Variants in MGAT1 observed in about 807,000 individuals in gnomAD.
The protein encoded by MGAT1 is alpha-1,3-mannosyl-glycoprotein 2-beta-N-acetylglucosaminyltransferase, also known as N-glycosyl-oligosaccharide-glycoprotein N-acetylglucosaminyltransferase I.
A neutral mutation model predicts 31.7 loss-of-function variants in MGAT1; 14 were observed. The observed-to-expected ratio is 0.44, with a 90% confidence interval of 0.29 to 0.69. The LOEUF is 0.69. Ranked by LOEUF, MGAT1 falls within the 30% of genes least tolerant of loss-of-function variation. The pLI, the probability that MGAT1 is intolerant of heterozygous loss-of-function variation, is 0.12. For missense variants in MGAT1, 557 were observed against 626.0 expected (o/e 0.89, Z 1.18); for synonymous variants, 338 against 276.0 (o/e 1.22, Z -2.23).
intron 1 of MGAT1, among the ~76,000 whole-genome samples, chr5:180,812,644 A>C (rs1772649094): frequency 6.6e-6 from 1 of 152,172 alleles, no homozygotes; most frequent in South Asian, 2.1e-4. Context: ...TTGTAACTTT[A>C]TTTTCTATAA....
chr5:180,804,848 G>A (rs1288592173), upstream of MGAT1, among the ~76,000 whole-genome samples: 1 of 152,130 alleles, frequency 6.6e-6, no homozygotes, highest in Non-Finnish European at 1.5e-5. Flanking sequence ...GGGGAAACAG[G>A]ATGGCGGCTG....
At chr5:180,799,304 A>AGTAAGCATATACCTGGACGCTGCT (rs1483768187) in intron 1 of MGAT1, among the ~76,000 whole-genome samples, 5 of 152,098 alleles carry the variant, frequency 3.3e-5, no homozygotes, top group African/African-American at 1.2e-4. Flanking sequence ...CTTTTTCCCC[A>AGTAAGCATATACCTGGACGCTGCT]GTAAGCATAT....
intron 1 of MGAT1, among the ~76,000 whole-genome samples, chr5:180,798,688 T>TA (rs1770034241): frequency 6.6e-6 from 1 of 152,248 alleles, no homozygotes; most frequent in African/African-American, 2.4e-5. Flanking sequence ...TCCAGCCTCA[T>TA]TTGGTAAAAT....
upstream of MGAT1, among the ~76,000 whole-genome samples, chr5:180,806,429 G>A (rs1454065949): frequency 6.6e-6 from 1 of 152,208 alleles, no homozygotes; most frequent in Non-Finnish European, 1.5e-5. Context: ...CTCATGGAAG[G>A]GTCAGGTGCA....
chr5:180,805,913 A>G (rs1376599088), upstream of MGAT1, among the ~76,000 whole-genome samples: 2 of 152,188 alleles, frequency 1.3e-5, no homozygotes, highest in African/African-American at 4.8e-5. Flanking sequence ...TCACTAAACA[A>G]TGTCTGTGAA....
upstream of MGAT1, among the ~76,000 whole-genome samples, chr5:180,806,430 GT>G (rs1771882296): frequency 6.6e-6 from 1 of 152,204 alleles, no homozygotes; most frequent in Non-Finnish European, 1.5e-5. Flanking sequence ...TCATGGAAGG[GT>G]CAGGTGCAGG....
At chr5:180,800,934 T>TA (rs1422549335) in intron 1 of MGAT1, among the ~76,000 whole-genome samples, 8 of 152,374 alleles carry the variant, frequency 5.3e-5, no homozygotes, top group African/African-American at 1.7e-4. Flanking sequence ...GCTTTGACTT[T>TA]CTAGAGTTTT....
Position 180,786,095 on chromosome 5 carries a change from C to T in MGAT1, c.*5539G>A. On this transcript the variant is annotated 3_prime_UTR_variant, in exon 2 of 2. Transcript: ENST00000307826. ...GAACCAGGGCAGCATTTGCTGTGAG[C>T]TGGGAGCCATGTGTTGAAGACGGCG... The T allele has an allele frequency of 6.6e-6, 1 of 152,448 alleles. No individual in the cohort carries two copies. Among genetic ancestry groups the T allele is most frequent in the Non-Finnish European group, 1.5e-5 (1 of 68,068 alleles). 9.4% of individuals were successfully genotyped at this position (152,448 alleles called of 1,614,324 possible).
At position 180,790,413 on chromosome 5, in the gene MGAT1, C is replaced by CA. The variant is rs780707727; in HGVS notation, c.*1220dup. ...TGGGCTGTCCCTGGCTCTTCCCTCC[C>CA]ACTCATCTGCTTTCTTTCCTCAACT... On this transcript the variant is annotated 3_prime_UTR_variant, in exon 2 of 2. Coordinates refer to ENST00000307826, the MANE Select transcript of MGAT1 (RefSeq NM_002406.4). 2.8e-4 allele frequency: 43 copies of CA among 152,648 alleles called. No individual in the cohort carries two copies. Among genetic ancestry groups the CA allele is most frequent in the Non-Finnish European group, 6.0e-4 (41 of 68,348 alleles). 9.5% of individuals were successfully genotyped at this position (152,648 alleles called of 1,614,324 possible).
At chr5:180,810,978 GT>G (rs985963149) in intron 1 of MGAT1, 3 of 152,364 alleles carry the variant, frequency 2.0e-5, no homozygotes, top group African/African-American at 7.2e-5. Flanking sequence ...GGCCCTTCCC[GT>G]CGTGCCCCGG....
At chr5:180,795,298 T>TATATATATATATACAC (rs549042117) in intron 1 of MGAT1, 3 of 148,924 alleles carry the variant, frequency 2.0e-5, no homozygotes, top group Non-Finnish European at 3.0e-5. Context: ...TATATATATA[T>TATATATATATATACAC]ACACACACAC....
At chr5:180,809,992 C>T (rs1251619822) in intron 1 of MGAT1, 1 of 152,216 alleles carries the variant, frequency 6.6e-6, no homozygotes, top group African/African-American at 2.4e-5. Context: ...TGACCCCCAC[C>T]CGTCCGCCCT....
chr5:180,805,854 C>T (rs1468578369), upstream of MGAT1, among the ~76,000 whole-genome samples: 1 of 152,060 alleles, frequency 6.6e-6, no homozygotes, highest in African/African-American at 2.4e-5. Context: ...ACAATGGAGA[C>T]CCAGAAATTC....
At position 180,786,828 on chromosome 5, in the gene MGAT1, C is replaced by T. The variant is rs1196623814; in HGVS notation, c.*4806G>A. On this transcript the variant is annotated 3_prime_UTR_variant, in exon 2 of 2. Coordinates refer to ENST00000307826, the MANE Select transcript of MGAT1 (RefSeq NM_002406.4). Reference sequence around the variant, plus strand: ...GGCGCTGGGATCCAGGCTTCCTGCTCTGCAACTGAATCCATTCTGACACAC... The same window carrying T: ...GGCGCTGGGATCCAGGCTTCCTGCTTTGCAACTGAATCCATTCTGACACAC... The T allele has an allele frequency of 6.6e-6, 1 of 152,314 alleles. No individual in the cohort carries two copies. Among genetic ancestry groups the T allele is most frequent in the African/African-American group, 2.4e-5 (1 of 41,458 alleles). The allele number at this position is 152,314 out of a possible 1,614,324, so 9.4% of individuals were successfully genotyped here. A position where few individuals can be genotyped will look rare whatever the true frequency, so the allele number is the denominator to read the frequency against.
chr5:180,793,235 G>T, intron 1 of MGAT1, 138 bp from the exon 2 acceptor site: 1 of 542,322 alleles, frequency 1.8e-6, no homozygotes. Flanking sequence ...GAGCTCTCTA[G>T]GGAGTCAACA....
At chr5:180,811,351 C>T (rs550788265) in intron 1 of MGAT1, 1 of 152,224 alleles carries the variant, frequency 6.6e-6, no homozygotes, top group Admixed American at 6.5e-5. Flanking sequence ...TTTGGAATTT[C>T]CTTAAAGGGA....
chr5:180,800,626 G>C (rs1770549572), intron 1 of MGAT1, among the ~76,000 whole-genome samples: 1 of 152,136 alleles, frequency 6.6e-6, no homozygotes, highest in South Asian at 2.1e-4. Flanking sequence ...CCAGGTGAAA[G>C]TGTATCCTGT....
At chr5:180,813,471 C>T (rs1772691896) in intron 1 of MGAT1, among the ~76,000 whole-genome samples, 1 of 152,156 alleles carries the variant, frequency 6.6e-6, no homozygotes, top group Non-Finnish European at 1.5e-5. Context: ...TTGTCATTTG[C>T]TTTTTAAGTC....
rs552850365 is a variant in MGAT1, at chr5:180,788,125, T to A, written c.*3509A>T. ...CATTGACTAACACGGGGCTTTTCCA[T>A]CTGGCATTTCCACTTGCTTTGGTAT... On this transcript the variant is annotated 3_prime_UTR_variant, in exon 2 of 2. Coordinates refer to ENST00000307826, the MANE Select transcript of MGAT1 (RefSeq NM_002406.4). The A allele has an allele frequency of 6.5e-6, 1 of 152,966 alleles. No homozygotes were observed. Among genetic ancestry groups the A allele is most frequent in the Non-Finnish European group, 1.5e-5 (1 of 68,688 alleles). 9.5% of individuals were successfully genotyped at this position (152,966 alleles called of 1,614,324 possible).
Sources: allele counts gnomAD v4.1 joint callset (sites outside exome capture counted in the v4.1 genomes callset), GRCh38; gene constraint gnomAD v4.1.1; transcripts MANE v1.5; gene names NCBI Gene and HGNC (gene_info 2026-07-23, HGNC 2026-07-21).